ALAS2: variants seen among roughly 807,000 people sequenced by gnomAD.
ALAS2 encodes 5-aminolevulinate synthase, erythroid-specific, mitochondrial.
In ALAS2, 3 loss-of-function variants were observed where a neutral mutation model predicts 33.7. The ratio of observed to expected loss-of-function variants is 0.09; its 90% CI spans 0.04 to 0.23. ALAS2 has a LOEUF of 0.23. Among genes scored for constraint, ALAS2 ranks in the 10% least tolerant of loss-of-function variants. The pLI is 1.00. For missense variants in ALAS2, 304 were observed against 475.1 expected (o/e 0.64, Z 3.35); for synonymous variants, 191 against 177.3 (o/e 1.08, Z -0.61).
intron 7 of ALAS2, among the ~76,000 whole-genome samples, chrX:55,016,863 C>T (rs1011806093): frequency 3.6e-5 from 4 of 111,711 alleles, no homozygotes; most frequent in African/African-American, 1.3e-4. Context: ...GAGGCTTAGA[C>T]AGTTAAAGAG....
intron 1 of ALAS2, among the ~76,000 whole-genome samples, 192 bp downstream of exon 1, chrX:55,030,750 G>A (rs538283544): frequency 3.4e-4 from 38 of 111,487 alleles, no homozygotes; most frequent in South Asian, 1.9e-3. Context: ...GGGAAAAAGA[G>A]AGAAAAAAGC....
chrX:55,010,505 C>G (rs1239989322), intron 10 of ALAS2, among the ~76,000 whole-genome samples: 1 of 111,128 alleles, frequency 9.0e-6, no homozygotes, highest in Non-Finnish European at 1.9e-5. Context: ...TACCATTCCA[C>G]CCACACCCAT....
Position 55,029,086 on chromosome X carries a change from A to G in ALAS2, c.-16+1856T>C, listed in dbSNP as rs757580608. 8.0e-5 allele frequency among the ~76,000 whole-genome samples: 9 copies of G among 112,233 alleles called. No homozygotes were observed. The South Asian group carries it at 2.2e-3, about 28-fold the overall frequency. On this transcript the variant is annotated intron_variant, in intron 1 of 10. Transcript: ENST00000650242. ...ACAGTAAAAAAGTGTTAAATATTAT[A>G]TTTAATTGATAGACTTTATTATTTT... is the stretch of plus-strand genomic sequence containing the variant.
chrX:55,030,537 G>A (rs986417351), intron 1 of ALAS2, among the ~76,000 whole-genome samples: 4 of 111,219 alleles, frequency 3.6e-5, no homozygotes, highest in African/African-American at 1.3e-4. Context: ...TTAAGCCATC[G>A]TTCTTGATAG....
intron 10 of ALAS2, among the ~76,000 whole-genome samples, chrX:55,012,570 C>T (rs866521990): frequency 3.5e-4 from 39 of 112,400 alleles, no homozygotes; most frequent in East Asian, 2.3e-3. Flanking sequence ...AGGTGGATTA[C>T]GAGGTCAGGA....
chrX:55,023,698 G>T, intron 4 of ALAS2, 59 bp downstream of exon 4: 1 of 959,547 alleles, frequency 1.0e-6, no homozygotes. Flanking sequence ...TGTGACAGAG[G>T]CCCTTTCAGA....
chrX:55,021,417 C>A (rs899394426), intron 4 of ALAS2, 143 bp from the exon 5 acceptor site: 3 of 510,617 alleles, frequency 5.9e-6, no homozygotes, highest in Non-Finnish European at 1.0e-5. Context: ...GACTTATGGA[C>A]CACATTAACT....
chrX:55,009,418 GCCAAGATATTGAT>G, intron 10 of ALAS2, 75 bp from the exon 11 acceptor site: 1 of 1,032,864 alleles, frequency 9.7e-7, no homozygotes, highest in Non-Finnish European at 1.3e-6. Context: ...GTACAGATGA[GCCAAGATATTGAT>G]CCCCCTCAAC....
intron 7 of ALAS2, among the ~76,000 whole-genome samples, chrX:55,016,244 C>A (rs1468185818): frequency 6.4e-5 from 7 of 109,830 alleles, no homozygotes; most frequent in Non-Finnish European, 1.1e-4. Flanking sequence ...TAGAATGGTA[C>A]CAACATAGTT....
chrX:55,019,965 G>T lies in ALAS2; in HGVS notation c.823+355C>A, dbSNP rs1445320317. On this transcript the variant is annotated intron_variant, in intron 6 of 10. Coordinates refer to ENST00000650242, the MANE Select transcript of ALAS2 (RefSeq NM_000032.5). ...GAGGTTATTTGCTAAGTGTGGAGGA[G>T]AAGGTAGTCAGAGGTTTTAGAAGAG... 2.7e-5 allele frequency among the ~76,000 whole-genome samples: 3 copies of T among 111,879 alleles called. No homozygotes were observed. The Admixed American group carries it at 2.8e-4, about 11-fold the overall frequency.
chrX:55,025,861 T>C lies in ALAS2; in HGVS notation c.140A>G (p.Asn47Ser). 1 of 1,211,682 alleles carries C rather than the reference T, an allele frequency of 8.3e-7. No individual in the cohort carries two copies. Among genetic ancestry groups the C allele is most frequent in the Non-Finnish European group, 1.1e-6 (1 of 895,508 alleles). ...RCPILATQGP[N>S]CSQIHLKATK... ...TGCCTTAAGGTGGATTTGAGAACAG[T>C]TTGGTCCTTGGGTAGCCAGGATGGG... is the stretch of plus-strand genomic sequence containing the variant. Residue 47 changes from asparagine to serine, a missense_variant, in exon 2 of 11, where the codon AAC becomes AGC. By Grantham distance (46) the Asn-to-Ser change is conservative (BLOSUM62 1). Around this residue, in one of 3 missense-constraint regions of ALAS2, gnomAD observed 71 missense variants for 82.8 expected, o/e 0.86. Transcript: ENST00000650242.
intron 6 of ALAS2, among the ~76,000 whole-genome samples, chrX:55,018,101 G>A (rs1367776194): frequency 2.7e-5 from 3 of 112,012 alleles, no homozygotes; most frequent in African/African-American, 6.5e-5. Flanking sequence ...GGTAGCATCT[G>A]CTTGTGGTTA....
At position 55,021,152 on chromosome X, in the gene ALAS2, G is replaced by A. The variant is rs372974985; in HGVS notation, c.538C>T (p.His180Tyr). 1.4e-5 allele frequency: 17 copies of A among 1,210,106 alleles called. No individual in the cohort carries two copies. The highest frequency in any genetic ancestry group is 4.4e-5 in the Admixed American group (2 of 45,832). ...GAGGCCACAGATGCCTCAGAGAAAT[G>A]TTGGGCAAAGGGATATGCATCAGCC... Reference protein sequence around the residue: ...RWADAYPFAQHFSEASVASKD... With the variant: ...RWADAYPFAQYFSEASVASKD... The change falls in exon 5 of 11, where the codon CAT (histidine) becomes TAT (tyrosine). Residue 180 changes from histidine to tyrosine, a missense_variant. By Grantham distance (83) the His-to-Tyr change is moderately conservative (BLOSUM62 2). Coordinates refer to ENST00000650242, the MANE Select transcript of ALAS2 (RefSeq NM_000032.5).
chrX:55,018,556 T>G (rs1474920757), intron 6 of ALAS2, among the ~76,000 whole-genome samples: 2 of 112,033 alleles, frequency 1.8e-5, no homozygotes, highest in Non-Finnish European at 3.8e-5. Context: ...AAACATTTAT[T>G]AAATGAATGG....
At chrX:55,020,980 CTTTT>C in intron 5 of ALAS2, 68 bp downstream of exon 5, 1 of 844,140 alleles carries the variant, frequency 1.2e-6, no homozygotes, top group Admixed American at 2.8e-5. Context: ...CCAGCTCTGC[CTTTT>C]TTTTTTTTCC....
chrX:55,010,174 G>A (rs759612644), intron 10 of ALAS2, among the ~76,000 whole-genome samples: 4 of 110,929 alleles, frequency 3.6e-5, no homozygotes, highest in Non-Finnish European at 7.6e-5. Context: ...AAGACCCTTG[G>A]CTCTACCTTC....
At chrX:55,019,669 G>T (rs929929110) in intron 6 of ALAS2, among the ~76,000 whole-genome samples, 1 of 111,516 alleles carries the variant, frequency 9.0e-6, no homozygotes, top group South Asian at 3.8e-4. Context: ...GAAGATGGAG[G>T]GTTGTATTCA....
chrX:55,025,611 C>G (rs1265247045), intron 2 of ALAS2, among the ~76,000 whole-genome samples: 2 of 111,952 alleles, frequency 1.8e-5, no homozygotes, highest in African/African-American at 6.5e-5. Context: ...GGATTACAGG[C>G]GTGAGCCACT....
intron 5 of ALAS2, 54 bp downstream of exon 5, chrX:55,020,998 T>G: frequency 9.2e-7 from 1 of 1,083,346 alleles, no homozygotes. Flanking sequence ...TTTTTCCATG[T>G]GTGGTTTTTC....
Sources: gnomAD v4.1 joint callset for allele counts (sites outside exome capture counted in the v4.1 genomes callset) on GRCh38, gnomAD v4.1.1 for gene constraint, gnomAD v4.1.1 regional missense constraint, MANE v1.5 for transcripts, NCBI Gene and HGNC (gene_info 2026-07-23, HGNC 2026-07-21) for gene names.